MMP2: variants seen among roughly 807,000 people sequenced by gnomAD.
MMP2 encodes 72 kDa type IV collagenase.
In MMP2, 39 loss-of-function variants were observed where a neutral mutation model predicts 74.8. The observed-to-expected ratio is 0.52, with a 90% CI of 0.40 to 0.68. MMP2 has a LOEUF of 0.68. MMP2 is among the 30% of genes least tolerant of loss of function. The probability of loss-of-function intolerance (pLI) is 0.00; values close to 1 mark genes in which losing one functional copy is unlikely to be tolerated. For missense variants in MMP2, 803 were observed against 878.3 expected, an observed-to-expected ratio of 0.91 and a Z score of 1.08; for synonymous variants, 367 against 339.8, an observed-to-expected ratio of 1.08 and a Z score of -0.88.
chr16:55,479,982 G>C lies in MMP2; in HGVS notation c.153+350G>C, dbSNP rs959221420. 18 of 289,324 alleles carry C rather than the reference G, an allele frequency of 6.2e-5. 3 individuals are homozygous for C. The South Asian group carries it at 6.4e-4, about 10-fold the overall frequency. The allele number at this position is 289,324 out of a possible 1,614,324, so 17.9% of individuals were successfully genotyped here. A position where few individuals can be genotyped will look rare whatever the true frequency, so the allele number is the denominator to read the frequency against. On this transcript the variant is annotated intron_variant, in intron 1 of 12. Coordinates refer to ENST00000219070, the MANE Select transcript of MMP2 (RefSeq NM_004530.6). ...TCTAGTATCTGGGACATTTGGCGGG[G>C]GGGGGGGGCGGTCTTTGTAAACAAC...
chr16:55,502,984 A>G (rs1962708735), intron 12 of MMP2, 96 bp downstream of exon 12: 10 of 986,518 alleles, frequency 1.0e-5, no homozygotes, highest in East Asian at 7.7e-5. Flanking sequence ...TGTGCAGGGC[A>G]GGCAGGCAGG....
chr16:55,500,787 C>T (rs1962650480), intron 11 of MMP2, among the ~76,000 whole-genome samples: 1 of 152,218 alleles, frequency 6.6e-6, no homozygotes, highest in Non-Finnish European at 1.5e-5. Context: ...GACACTGGCC[C>T]TGCCGTGGAG....
chr16:55,505,175 G>C (rs1397507083), intron 12 of MMP2, among the ~76,000 whole-genome samples, 164 bp from the exon 13 acceptor site: 1 of 151,760 alleles, frequency 6.6e-6, no homozygotes, highest in Non-Finnish European at 1.5e-5. Context: ...AGCTGGTCTC[G>C]AACTCCTGGG....
chr16:55,498,905 C>T (rs1962597868), intron 11 of MMP2, among the ~76,000 whole-genome samples: 1 of 152,146 alleles, frequency 6.6e-6, no homozygotes, highest in Admixed American at 6.5e-5. Context: ...CAGTGGCTCA[C>T]GCCTGTAATC....
At chr16:55,488,848 C>CTTGGTGTGGATGT in intron 6 of MMP2, 132 bp downstream of exon 6, 1 of 944,984 alleles carries the variant, frequency 1.1e-6, no homozygotes. Context: ...CGAATGACAT[C>CTTGGTGTGGATGT]CACACCAAGA....
At chr16:55,492,103 G>A in intron 8 of MMP2, 147 bp downstream of exon 8, 1 of 758,222 alleles carries the variant, frequency 1.3e-6, no homozygotes, top group Non-Finnish European at 2.2e-6. Flanking sequence ...GTGTTGACCT[G>A]GTCTTGGGAA....
At chr16:55,485,841 G>C (rs2142349273) in intron 5 of MMP2, 64 bp downstream of exon 5, 3 of 1,560,890 alleles carry the variant, frequency 1.9e-6, no homozygotes, top group Non-Finnish European at 2.6e-6. Flanking sequence ...GGGCTCCCCA[G>C]TGTGCTCTTC....
At chr16:55,493,363 C>T (rs1391393425) in intron 9 of MMP2, 70 bp downstream of exon 9, 20 of 1,601,254 alleles carry the variant, frequency 1.2e-5, no homozygotes, top group Middle Eastern at 1.7e-4. Flanking sequence ...TATTCTTTTC[C>T]CTCACTCTTC....
intron 11 of MMP2, among the ~76,000 whole-genome samples, chr16:55,500,539 A>ACACACACACACACAC (rs1596828091): frequency 6.9e-6 from 1 of 145,682 alleles, no homozygotes; most frequent in African/African-American, 2.6e-5. Context: ...ACACACACAC[A>ACACACACACACACAC]GGCATGGAGG....
At position 55,496,859 on chromosome 16, in the gene MMP2, GT is replaced by G. The variant is rs201771399; in HGVS notation, c.1473-66del. ...GGGATGTTTCTGGGTGGGTTTGGGG[GT>G]GTGTGTGGTTCGAGCTGCAGGGTGA... On this transcript the variant is annotated intron_variant, in intron 9 of 12. Coordinates refer to ENST00000219070, the MANE Select transcript of MMP2 (RefSeq NM_004530.6). 1.4e-5 allele frequency: 22 copies of G among 1,598,670 alleles called. No homozygotes were observed. The East Asian group carries it at 2.7e-4, about 19-fold the overall frequency.
rs959750167 is a variant in MMP2, at chr16:55,496,769, G to A, written c.1473-157G>A. Among the ~76,000 whole-genome samples, 6 of 152,258 alleles carry A rather than the reference G, an allele frequency of 3.9e-5. No homozygotes were observed. The East Asian group carries it at 5.8e-4, about 15-fold the overall frequency. ...CAGATTGCAGACAGGAACTCTGCCC[G>A]TTCTCCAGTCCTTCTCCAACCTTCC... On this transcript the variant is annotated intron_variant, in intron 9 of 12. Coordinates refer to ENST00000219070, the MANE Select transcript of MMP2 (RefSeq NM_004530.6).
At chr16:55,479,960 A>T in intron 1 of MMP2, 1 of 163,978 alleles carries the variant, frequency 6.1e-6, no homozygotes. Context: ...GACATCCTCT[A>T]GTATCTGGGA....
intron 9 of MMP2, 139 bp from the exon 10 acceptor site, chr16:55,496,787 A>G: frequency 1.7e-6 from 2 of 1,203,692 alleles, no homozygotes; most frequent in Non-Finnish European, 2.4e-6. Flanking sequence ...GTCCTTCTCC[A>G]ACCTTCCTTT....
intron 8 of MMP2, 75 bp downstream of exon 8, chr16:55,492,031 G>C (rs1245984622): frequency 8.3e-6 from 12 of 1,453,994 alleles, no homozygotes; most frequent in African/African-American, 1.4e-5. Flanking sequence ...GGAGGCCCAG[G>C]GGGTGGGACC....
chr16:55,498,991 A>G (rs1308164936), intron 11 of MMP2, among the ~76,000 whole-genome samples: 1 of 151,952 alleles, frequency 6.6e-6, no homozygotes, highest in Non-Finnish European at 1.5e-5. Flanking sequence ...ACATGGTGAA[A>G]CCCCATCTCT....
chr16:55,490,620 G>C (rs1389215790), intron 7 of MMP2, among the ~76,000 whole-genome samples: 1 of 152,214 alleles, frequency 6.6e-6, no homozygotes, highest in Non-Finnish European at 1.5e-5. Flanking sequence ...GGCCAGGTCA[G>C]TGGGCAGGTC....
At position 55,479,473 on chromosome 16, in the gene MMP2, C is replaced by G. The variant is rs765195089; in HGVS notation, c.-7C>G. 6.3e-5 allele frequency: 97 copies of G among 1,550,372 alleles called. No homozygotes were observed. Among genetic ancestry groups the G allele is most frequent in the Non-Finnish European group, 8.1e-5 (93 of 1,148,388 alleles). On this transcript the variant is annotated 5_prime_UTR_variant, in exon 1 of 13. Transcript: ENST00000219070. ...CCGGGCGACGCGCGGGGCCAGGGAG[C>G]GCTACGATGGAGGCGCTAATGGCCC... is the stretch of plus-strand genomic sequence containing the variant.
In MMP2 at chr16:55,491,959, A is replaced by C. The variant is rs1219357009; in HGVS notation, c.1336+3A>C. On this transcript the variant is annotated splice_donor_region_variant and intron_variant, in intron 8 of 12. Transcript: ENST00000219070. Reference sequence around the variant, plus strand: ...CAAGGGCATTCAGGAGCTCTATGGTAAACCTCCGGGCGGGGGTTGGGGGTG... The same window carrying C: ...CAAGGGCATTCAGGAGCTCTATGGTCAACCTCCGGGCGGGGGTTGGGGGTG... The C allele has an allele frequency of 1.2e-6, 2 of 1,613,160 alleles. No homozygotes were observed. Among genetic ancestry groups the C allele is most frequent in the Non-Finnish European group, 1.7e-6 (2 of 1,179,516 alleles).
chr16:55,479,518 C>A lies in MMP2; in HGVS notation c.39C>A (p.Pro13=). The change falls in exon 1 of 13, where the codon CCC becomes CCA. Residue 13 remains proline, a synonymous_variant. Coordinates refer to ENST00000219070, the MANE Select transcript of MMP2 (RefSeq NM_004530.6). ...TGGCCCGGGGCGCGCTCACGGGTCC[C>A]CTGAGGGCGCTCTGTCTCCTGGGCT... ...ALMARGALTG[P]LRALCLLGCL... is the part of the protein sequence containing the mutation. 1 of 1,604,394 alleles carries A rather than the reference C, an allele frequency of 6.2e-7. No individual in the cohort carries two copies. Among genetic ancestry groups the A allele is most frequent in the South Asian group, 1.1e-5 (1 of 89,954 alleles).
Sources: allele counts gnomAD v4.1 joint callset (sites outside exome capture counted in the v4.1 genomes callset), GRCh38; gene constraint gnomAD v4.1.1; transcripts MANE v1.5; gene names NCBI Gene and HGNC (gene_info 2026-07-23, HGNC 2026-07-21).